Variants in APBA1 observed in about 807,000 individuals in gnomAD.
APBA1 encodes amyloid-beta A4 precursor protein-binding family A member 1.
APBA1 carries 55 observed loss-of-function variants against 86.6 expected under a neutral mutation model. The ratio of observed to expected loss-of-function variants is 0.64; its 90% confidence interval spans 0.51 to 0.80. The LOEUF (loss-of-function observed/expected upper bound fraction) is 0.80, where lower values mean the gene tolerates loss of function less well. Among genes scored for constraint, APBA1 ranks in the 30% least tolerant of loss-of-function variants. The pLI is 0.00. For missense variants in APBA1, 1,090 were observed against 1,183.0 expected, an observed-to-expected ratio of 0.92 and a Z score of 1.15; for synonymous variants, 511 against 493.9, an observed-to-expected ratio of 1.03 and a Z score of -0.46.
intron 2 of APBA1, 65 bp downstream of exon 2, chr9:69,515,946 C>T: frequency 6.8e-7 from 1 of 1,460,456 alleles, no homozygotes; most frequent in Non-Finnish European, 9.2e-7. Flanking sequence ...GCACACAAGG[C>T]CATGGGGCGC....
At chr9:69,603,553 T>C (rs764248802) in intron 1 of APBA1, among the ~76,000 whole-genome samples, 13 of 152,258 alleles carry the variant, frequency 8.5e-5, no homozygotes, top group Non-Finnish European at 1.8e-4. Context: ...AAAAAGTACA[T>C]GGATATTGCC....
At chr9:69,532,344 G>A (rs776411174) in intron 1 of APBA1, among the ~76,000 whole-genome samples, 3 of 152,190 alleles carry the variant, frequency 2.0e-5, no homozygotes, top group Non-Finnish European at 4.4e-5. Flanking sequence ...TAAAAGACAT[G>A]TAGGTGGGCC....
intron 1 of APBA1, among the ~76,000 whole-genome samples, chr9:69,563,977 G>T (rs1271727789): frequency 6.6e-6 from 1 of 152,152 alleles, no homozygotes; most frequent in Non-Finnish European, 1.5e-5. Context: ...GACAGCAAGA[G>T]ACCCCTTTTT....
At chr9:69,491,484 T>G (rs1011940289) in intron 2 of APBA1, among the ~76,000 whole-genome samples, 1 of 151,774 alleles carries the variant, frequency 6.6e-6, no homozygotes, top group Non-Finnish European at 1.5e-5. Flanking sequence ...GGGATAGCAT[T>G]AGGAGAGATA....
Position 69,495,606 on chromosome 9 carries a change from G to A in APBA1, c.1201-19463C>T, listed in dbSNP as rs1835781756. On this transcript the variant is annotated intron_variant, in intron 2 of 12. Transcript: ENST00000265381. ...GTCCAGGCAGTCATGCGTCACTGCT[G>A]GGCATCAGCAGCTGATGTTTCTGAG... Among the ~76,000 whole-genome samples the A allele has an allele frequency of 3.3e-5, 5 of 152,202 alleles. No individual in the cohort carries two copies. In the South Asian group the frequency reaches 1.0e-3, roughly 32 times the overall value.
intron 10 of APBA1, among the ~76,000 whole-genome samples, chr9:69,445,603 A>G (rs1169994562): frequency 2.6e-5 from 4 of 152,200 alleles, no homozygotes; most frequent in Admixed American, 2.6e-4. Flanking sequence ...ATTCTAAAAC[A>G]GAGCAAAAAC....
chr9:69,561,618 C>T (rs1241709315), intron 1 of APBA1, among the ~76,000 whole-genome samples: 1 of 151,702 alleles, frequency 6.6e-6, no homozygotes, highest in African/African-American at 2.4e-5. Context: ...AAACCTACTC[C>T]TTATCTACAG....
At chr9:69,432,855 C>T (rs888283748) in intron 11 of APBA1, among the ~76,000 whole-genome samples, 179 bp from the exon 12 acceptor site, 2 of 152,210 alleles carry the variant, frequency 1.3e-5, no homozygotes, top group African/African-American at 4.8e-5. Context: ...CGTCGGCCCA[C>T]ATGGCCACCT....
At chr9:69,523,503 A>ATG (rs1434360336) in intron 1 of APBA1, among the ~76,000 whole-genome samples, 3 of 36,916 alleles carry the variant, frequency 8.1e-5, no homozygotes, top group Non-Finnish European at 1.3e-4. Context: ...ATATGTATAT[A>ATG]TATATATATA....
chr9:69,515,690 T>TGGGGGGGGG (rs60382603), intron 2 of APBA1, among the ~76,000 whole-genome samples: 10 of 110,804 alleles, frequency 9.0e-5, no homozygotes, highest in South Asian at 3.5e-4. Flanking sequence ...AATCAGAAAC[T>TGGGGGGGGG]GGGGGGGGGG....
At chr9:69,503,600 T>G (rs1275798025) in intron 2 of APBA1, among the ~76,000 whole-genome samples, 1 of 152,184 alleles carries the variant, frequency 6.6e-6, no homozygotes, top group South Asian at 2.1e-4. Flanking sequence ...TTCTTGCCAA[T>G]ATAACAACTG....
chr9:69,496,455 G>A (rs1835796170), intron 2 of APBA1, among the ~76,000 whole-genome samples: 1 of 152,102 alleles, frequency 6.6e-6, no homozygotes, highest in Admixed American at 6.5e-5. Flanking sequence ...CATGCTAGTT[G>A]ACAGTTTGCT....
chr9:69,448,365 T>G (rs570356167), intron 10 of APBA1, among the ~76,000 whole-genome samples: 63 of 152,340 alleles, frequency 4.1e-4, no homozygotes, highest in Non-Finnish European at 3.8e-4. Flanking sequence ...TGAATGAATA[T>G]CCATGTTCAA....
At chr9:69,492,880 T>A (rs1445957286) in intron 2 of APBA1, among the ~76,000 whole-genome samples, 1 of 152,100 alleles carries the variant, frequency 6.6e-6, no homozygotes, top group Non-Finnish European at 1.5e-5. Flanking sequence ...CAACAGAAAT[T>A]CATGGTAATG....
chr9:69,639,560 G>C (rs947795738), intron 1 of APBA1, among the ~76,000 whole-genome samples: 9 of 152,156 alleles, frequency 5.9e-5, no homozygotes, highest in Non-Finnish European at 1.3e-4. Flanking sequence ...GGCTCCTACT[G>C]TCCAAAATGA....
chr9:69,449,610 G>A lies in APBA1; in HGVS notation c.2155C>T (p.Leu719=), dbSNP rs1428592058. Residue 719 remains leucine (L), a synonymous_variant, in exon 10 of 13, where the codon CTG becomes TTG. Coordinates refer to ENST00000265381, the MANE Select transcript of APBA1 (RefSeq NM_001163.4). ...TTAATAATGCTCTGGCAGGTGGACA[G>A]AGGCAGGCCCACCAGGCTGGTGCCA... ...INGTSLVGLP[L]STCQSIIKGL... 12 of 1,613,932 alleles carry A rather than the reference G, an allele frequency of 7.4e-6. No homozygotes were observed. The highest frequency in any genetic ancestry group is 8.5e-6 in the Non-Finnish European group (10 of 1,179,988).
intron 1 of APBA1, among the ~76,000 whole-genome samples, chr9:69,558,968 T>C (rs543395968): frequency 4.3e-4 from 65 of 152,332 alleles, no homozygotes; most frequent in African/African-American, 1.5e-3. Flanking sequence ...CCTACCACCT[T>C]CCATGATTGT....
At chr9:69,561,094 C>A (rs889776246) in intron 1 of APBA1, among the ~76,000 whole-genome samples, 17 of 152,146 alleles carry the variant, frequency 1.1e-4, no homozygotes, top group African/African-American at 3.6e-4. Flanking sequence ...ACAAAAATCC[C>A]ATATTCTCAT....
At chr9:69,514,639 T>TG (rs1302520248) in intron 2 of APBA1, among the ~76,000 whole-genome samples, 2 of 151,852 alleles carry the variant, frequency 1.3e-5, no homozygotes, top group Non-Finnish European at 2.9e-5. Flanking sequence ...CCAGGTGCTG[T>TG]GGCTCACATC....
Sources: allele counts gnomAD v4.1 joint callset (sites outside exome capture counted in the v4.1 genomes callset), GRCh38; gene constraint gnomAD v4.1.1; transcripts MANE v1.5; gene names NCBI Gene and HGNC (gene_info 2026-07-23, HGNC 2026-07-21).